Variants in VWC2L observed in about 807,000 individuals in gnomAD.
VWC2L encodes von Willebrand factor C domain-containing protein 2-like.
A neutral mutation model predicts 21.6 loss-of-function variants in VWC2L; 10 were observed. The ratio of observed to expected loss-of-function variants is 0.46; its 90% CI spans 0.29 to 0.78. VWC2L has a LOEUF of 0.78. Among genes scored for constraint, VWC2L ranks in the 30% least tolerant of loss-of-function variants. The probability of loss-of-function intolerance (pLI) is 0.10; values close to 1 mark genes in which losing one functional copy is unlikely to be tolerated. For missense variants in VWC2L, 209 were observed against 277.1 expected (o/e 0.75, Z 1.74); for synonymous variants, 96 against 94.3 (o/e 1.02, Z -0.10).
intron 3 of VWC2L, among the ~76,000 whole-genome samples, chr2:214,470,001 T>C (rs1408695564): frequency 6.6e-6 from 1 of 152,102 alleles, no homozygotes; most frequent in Non-Finnish European, 1.5e-5. Flanking sequence ...TTTGATACCT[T>C]AAACAGTTCG....
intron 2 of VWC2L, among the ~76,000 whole-genome samples, chr2:214,422,688 A>C (rs1702461109): frequency 6.6e-6 from 1 of 152,200 alleles, no homozygotes; most frequent in African/African-American, 2.4e-5. Flanking sequence ...AGTCTAACAC[A>C]CTTCCATTGT....
In VWC2L at chr2:214,577,688, G is replaced by A. The variant is rs957564543; in HGVS notation, c.*1868G>A. On this transcript the variant is annotated 3_prime_UTR_variant, in exon 4 of 4. Coordinates refer to ENST00000312504, the MANE Select transcript of VWC2L (RefSeq NM_001080500.4). ...TCTAATGCTATAGGCCCACCCTCAG[G>A]AAACATATTTTTTTGAGTCTTGTCA... The A allele has an allele frequency of 1.3e-5, 2 of 152,140 alleles. No homozygotes were observed. Among genetic ancestry groups the A allele is most frequent in the African/African-American group, 4.8e-5 (2 of 41,430 alleles). 9.4% of individuals were successfully genotyped at this position (152,140 alleles called of 1,614,324 possible). A position where few individuals can be genotyped will look rare whatever the true frequency, so the allele number is the denominator to read the frequency against.
intron 3 of VWC2L, among the ~76,000 whole-genome samples, chr2:214,486,001 A>G (rs1688667465): frequency 6.6e-6 from 1 of 152,196 alleles, no homozygotes; most frequent in African/African-American, 2.4e-5. Flanking sequence ...TTTTTTGATC[A>G]TTTCATCTAG....
Position 214,439,349 on chromosome 2 carries a change from A to G in VWC2L, c.520+2591A>G, listed in dbSNP as rs150016765. ...ATGATTTAAGTCTATCTCATTATAT[A>G]TGGTTATTAACTATAACCATAATAA... On this transcript the variant is annotated intron_variant, in intron 3 of 3. Transcript: ENST00000312504. 8.7e-3 allele frequency among the ~76,000 whole-genome samples: 1,326 copies of G among 152,160 alleles called. 8 individuals are homozygous for G. Among genetic ancestry groups the G allele is most frequent in the Non-Finnish European group, 0.015 (1,042 of 67,886 alleles).
chr2:214,559,100 C>T (rs764734163), intron 3 of VWC2L, among the ~76,000 whole-genome samples: 2 of 148,802 alleles, frequency 1.3e-5, no homozygotes, highest in African/African-American at 2.5e-5. Context: ...TGACAAAGGG[C>T]TAATATCCAG....
chr2:214,516,546 G>A (rs756858226), intron 3 of VWC2L, among the ~76,000 whole-genome samples: 1 of 151,882 alleles, frequency 6.6e-6, no homozygotes, highest in Non-Finnish European at 1.5e-5. Flanking sequence ...AGGTTCCAAA[G>A]ATTTATTTCT....
intron 3 of VWC2L, among the ~76,000 whole-genome samples, chr2:214,441,093 C>T (rs978651004): frequency 1.3e-5 from 2 of 152,158 alleles, no homozygotes; most frequent in Admixed American, 6.6e-5. Flanking sequence ...GTCCCTCACT[C>T]TCTTCTAGTT....
At chr2:214,562,205 C>T (rs928403806) in intron 3 of VWC2L, among the ~76,000 whole-genome samples, 11 of 152,064 alleles carry the variant, frequency 7.2e-5, no homozygotes, top group Admixed American at 2.6e-4. Flanking sequence ...CATGTGTTCT[C>T]ATTGTTCAGC....
chr2:214,525,316 T>C (rs1459003510), intron 3 of VWC2L: 1 of 151,996 alleles, frequency 6.6e-6, no homozygotes, highest in Non-Finnish European at 1.5e-5. Context: ...AGACAAAAGT[T>C]TGCACACAAG....
At chr2:214,451,316 G>T (rs1008522420) in intron 3 of VWC2L, among the ~76,000 whole-genome samples, 7 of 149,652 alleles carry the variant, frequency 4.7e-5, no homozygotes, top group Admixed American at 2.7e-4. Context: ...TGTGGGGGGG[G>T]GGGGCAGTAA....
intron 3 of VWC2L, among the ~76,000 whole-genome samples, chr2:214,471,500 C>A (rs1574583262): frequency 6.6e-6 from 1 of 152,144 alleles, no homozygotes; most frequent in East Asian, 1.9e-4. Context: ...CACATGTAAT[C>A]TCACTTAATC....
chr2:214,538,616 C>T (rs1228118297), intron 3 of VWC2L, among the ~76,000 whole-genome samples: 2 of 149,552 alleles, frequency 1.3e-5, no homozygotes, highest in Non-Finnish European at 3.0e-5. Flanking sequence ...AATTAGTATA[C>T]ATGTTTAGTA....
Position 214,421,070 on chromosome 2 carries a change from T to C in VWC2L, c.390+6487T>C, listed in dbSNP as rs561569707. Among the ~76,000 whole-genome samples, 18 of 152,354 alleles carry C rather than the reference T, an allele frequency of 1.2e-4. No homozygotes were observed. The South Asian group carries it at 3.7e-3, about 32-fold the overall frequency. On this transcript the variant is annotated intron_variant, in intron 2 of 3. Coordinates refer to ENST00000312504, the MANE Select transcript of VWC2L (RefSeq NM_001080500.4). Reference sequence around the variant, plus strand: ...AACCTTTACGTAATTTTTATACTCTTTGAGTAATTTCATTCCAGAGATTAG... The same window carrying C: ...AACCTTTACGTAATTTTTATACTCTCTGAGTAATTTCATTCCAGAGATTAG...
chr2:214,515,165 G>C (rs1317552019), intron 3 of VWC2L, among the ~76,000 whole-genome samples: 1 of 152,142 alleles, frequency 6.6e-6, no homozygotes, highest in Non-Finnish European at 1.5e-5. Context: ...GAATGAGAAG[G>C]AATATGGTAT....
At chr2:214,418,496 A>G (rs895960053) in intron 2 of VWC2L, among the ~76,000 whole-genome samples, 2 of 152,202 alleles carry the variant, frequency 1.3e-5, no homozygotes, top group African/African-American at 4.8e-5. Context: ...TCACACTGCA[A>G]TAATATTAAA....
chr2:214,428,629 T>C (rs1702558326), intron 2 of VWC2L, among the ~76,000 whole-genome samples: 1 of 152,174 alleles, frequency 6.6e-6, no homozygotes, highest in African/African-American at 2.4e-5. Context: ...TAATGAACTA[T>C]CAAATTCAGT....
rs1288636075 is a variant in VWC2L, at chr2:214,411,613, T to G, written c.-254T>G. 1 of 152,186 alleles carries G rather than the reference T, an allele frequency of 6.6e-6. No individual in the cohort carries two copies. Among genetic ancestry groups the G allele is most frequent in the Non-Finnish European group, 1.5e-5 (1 of 68,044 alleles). The allele number at this position is 152,186 out of a possible 1,614,324, so 9.4% of individuals were successfully genotyped here. A position where few individuals can be genotyped will look rare whatever the true frequency, so the allele number is the denominator to read the frequency against. ...CTTTCTGGAAGGGCGGGAGACTGCT[T>G]CTTTACTGTGTTTTGAAATGGGAGG... On this transcript the variant is annotated 5_prime_UTR_variant, in exon 1 of 4. Coordinates refer to ENST00000312504, the MANE Select transcript of VWC2L (RefSeq NM_001080500.4).
At chr2:214,517,926 G>A (rs1265074233) in intron 3 of VWC2L, among the ~76,000 whole-genome samples, 2 of 152,166 alleles carry the variant, frequency 1.3e-5, no homozygotes, top group African/African-American at 4.8e-5. Flanking sequence ...CAGCACTTTG[G>A]GAGGCCAAGG....
chr2:214,476,216 A>G (rs566024464), intron 3 of VWC2L, among the ~76,000 whole-genome samples: 14 of 152,328 alleles, frequency 9.2e-5, no homozygotes, highest in African/African-American at 3.4e-4. Context: ...ACCACAGCCA[A>G]TATGCAAAAG....
Sources: gnomAD v4.1 joint callset for allele counts (sites outside exome capture counted in the v4.1 genomes callset) on GRCh38, gnomAD v4.1.1 for gene constraint, MANE v1.5 for transcripts, NCBI Gene and HGNC (gene_info 2026-07-23, HGNC 2026-07-21) for gene names.